The following ZNF90 variants were observed in gnomAD, a reference collection of about 807,000 sequenced individuals.
ZNF90 encodes zinc finger protein 90, also known as zinc finger protein HTF9.
A neutral mutation model predicts 12.0 loss-of-function variants in ZNF90; 11 were observed. That is an observed-to-expected ratio of 0.92 (90% confidence interval 0.58 to 1.52). The LOEUF (loss-of-function observed/expected upper bound fraction) is 1.52. Among genes scored for constraint, ZNF90 ranks in the 40% most tolerant of loss-of-function variants. The pLI, the probability that ZNF90 is intolerant of heterozygous loss-of-function variation, is 0.00. For synonymous variants in ZNF90, 232 were observed against 240.1 expected, an observed-to-expected ratio of 0.97 and a Z score of 0.31; for missense variants, 765 against 711.5, an observed-to-expected ratio of 1.08 and a Z score of -0.86.
chr19:20,114,036 T>G (rs2089115260), intron 3 of ZNF90, among the ~76,000 whole-genome samples: 2 of 152,198 alleles, frequency 1.3e-5, no homozygotes, highest in South Asian at 2.1e-4. Flanking sequence ...CTTACGCCTG[T>G]AATCGCATCA....
chr19:20,091,737 G>T (rs1423434305), intron 1 of ZNF90, among the ~76,000 whole-genome samples: 54 of 151,594 alleles, frequency 3.6e-4, no homozygotes, highest in Non-Finnish European at 1.5e-5. Context: ...GAGGACCCTT[G>T]TGTAGTGAGG....
At chr19:20,116,552 CT>C (rs2089138832) in intron 3 of ZNF90, among the ~76,000 whole-genome samples, 1 of 152,116 alleles carries the variant, frequency 6.6e-6, no homozygotes, top group East Asian at 1.9e-4. Flanking sequence ...CCATGTTTCT[CT>C]AATATTTTGT....
intron 3 of ZNF90, among the ~76,000 whole-genome samples, chr19:20,114,911 T>A (rs2089123513): frequency 1.3e-5 from 2 of 152,198 alleles, no homozygotes; most frequent in Admixed American, 6.5e-5. Context: ...TCTATGTGTT[T>A]ATTCCGTTTT....
intron 3 of ZNF90, among the ~76,000 whole-genome samples, chr19:20,106,051 T>G (rs1261623012): frequency 2.2e-5 from 3 of 139,024 alleles, no homozygotes; most frequent in African/African-American, 8.3e-5. Context: ...TTTCTTTTTT[T>G]TTTTTTTTTT....
chr19:20,099,255 CCT>C (rs1175504037), intron 1 of ZNF90, among the ~76,000 whole-genome samples: 1 of 151,838 alleles, frequency 6.6e-6, no homozygotes, highest in Admixed American at 6.6e-5. Context: ...CTCACTGAAA[CCT>C]CTGCCACCAG....
At chr19:20,094,461 C>T (rs959559094) in intron 1 of ZNF90, among the ~76,000 whole-genome samples, 1 of 152,208 alleles carries the variant, frequency 6.6e-6, no homozygotes, top group Admixed American at 6.5e-5. Context: ...TTTTCATCTT[C>T]ACCTTGGGTA....
intron 1 of ZNF90, among the ~76,000 whole-genome samples, chr19:20,097,847 G>T (rs2088960925): frequency 6.6e-6 from 1 of 152,160 alleles, no homozygotes. Flanking sequence ...TGCCACATTG[G>T]ACACTATATC....
intron 1 of ZNF90, among the ~76,000 whole-genome samples, chr19:20,079,180 T>C (rs1169813731): frequency 6.6e-6 from 1 of 152,102 alleles, no homozygotes; most frequent in Non-Finnish European, 1.5e-5. Flanking sequence ...AACACTGTGT[T>C]TTAGTAACTT....
chr19:20,108,067 T>C (rs1447679496), intron 3 of ZNF90, among the ~76,000 whole-genome samples: 4 of 152,174 alleles, frequency 2.6e-5, no homozygotes, highest in African/African-American at 9.7e-5. Flanking sequence ...TCTTTTCTTC[T>C]AAAGTTGGAT....
rs782350995 is a variant in ZNF90, at chr19:20,118,188, A to G, written c.634A>G (p.Arg212Gly). The G allele has an allele frequency of 5.6e-6, 9 of 1,606,038 alleles. No homozygotes were observed. The highest frequency in any genetic ancestry group is 7.6e-6 in the Non-Finnish European group (9 of 1,176,894). The change falls in exon 4 of 4, where the codon AGG becomes GGG. Residue 212 changes from arginine (R) to glycine (G), a missense_variant. By Grantham distance (125) the Arg-to-Gly change is moderately radical. Transcript: ENST00000418063. ...KCEECGKAFN[R>G]SSHLTSHKRI... ...TGAAGAATGTGGCAAAGCCTTCAAC[A>G]GGTCCTCACACCTTACTTCACATAA...
chr19:20,099,402 C>T (rs950580864), intron 1 of ZNF90, among the ~76,000 whole-genome samples: 1 of 152,220 alleles, frequency 6.6e-6, no homozygotes, highest in Non-Finnish European at 1.5e-5. Context: ...CTATCAATTA[C>T]TGAATACCCA....
At position 20,119,387 on chromosome 19, in the gene ZNF90, A is replaced by C; in HGVS notation, c.*27A>C. ...ATATTCCTCAACCCTTAATAAACAT[A>C]AGATAATTCATACTGGAGAGAAACC... is the stretch of plus-strand genomic sequence containing the variant. On this transcript the variant is annotated 3_prime_UTR_variant, in exon 4 of 4. Transcript: ENST00000418063. 2 of 1,535,252 alleles carry C rather than the reference A, an allele frequency of 1.3e-6. No individual in the cohort carries two copies. The highest frequency in any genetic ancestry group is 1.8e-6 in the Non-Finnish European group (2 of 1,137,832).
rs782714380 is a variant in ZNF90, at chr19:20,119,139, A to G, written c.1585A>G (p.Ile529Val). 2 of 1,613,340 alleles carry G rather than the reference A, an allele frequency of 1.2e-6. No individual in the cohort carries two copies. Among genetic ancestry groups the G allele is most frequent in the East Asian group, 2.2e-5 (1 of 44,836 alleles). Residue 529 changes from isoleucine (I) to valine (V), a missense_variant, in exon 4 of 4, where the codon ATA becomes GTA. Ile to Val is a conservative substitution (Grantham distance 29). Coordinates refer to ENST00000418063, the MANE Select transcript of ZNF90 (RefSeq NM_007138.2). ...KRSSVLSKHK[I>V]IHTGAKPYKC... ...CTCCTCAGTCCTTAGTAAACATAAG[A>G]TAATTCATACTGGAGCGAAACCCTA... is the stretch of plus-strand genomic sequence containing the variant.
At chr19:20,087,289 T>TA (rs1555702205) in intron 1 of ZNF90, 1 of 152,250 alleles carries the variant, frequency 6.6e-6, no homozygotes, top group Non-Finnish European at 1.5e-5. Context: ...TTTCTCAAAA[T>TA]AATCTTGCTC....
At chr19:20,089,669 G>A (rs1350654736) in intron 1 of ZNF90, among the ~76,000 whole-genome samples, 4 of 152,186 alleles carry the variant, frequency 2.6e-5, no homozygotes, top group African/African-American at 4.8e-5. Flanking sequence ...GAGGGCGGCA[G>A]CTTGCTGATG....
chr19:20,091,942 A>G (rs1376424398), intron 1 of ZNF90, among the ~76,000 whole-genome samples: 1 of 152,210 alleles, frequency 6.6e-6, no homozygotes, highest in Non-Finnish European at 1.5e-5. Flanking sequence ...ATACTATAGC[A>G]TAGCCTGCCT....
chr19:20,107,921 AT>A (rs1288952026), intron 3 of ZNF90, among the ~76,000 whole-genome samples: 1 of 152,056 alleles, frequency 6.6e-6, no homozygotes, highest in Non-Finnish European at 1.5e-5. Context: ...GAATTATAGG[AT>A]TTTCATCTAC....
Position 20,104,604 on chromosome 19 carries a change from G to C in ZNF90, c.130+239G>C, listed in dbSNP as rs112545603. On this transcript the variant is annotated intron_variant, in intron 2 of 3. Coordinates refer to ENST00000418063, the MANE Select transcript of ZNF90 (RefSeq NM_007138.2). ...TCACTCTAAATTAGTGGTAATTCCAGAAATTTAGTGGCATAAAATATTGTT... is the reference window on the plus strand; with the variant it reads ...TCACTCTAAATTAGTGGTAATTCCACAAATTTAGTGGCATAAAATATTGTT... Among the ~76,000 whole-genome samples, 1,371 of 152,240 alleles carry C rather than the reference G, an allele frequency of 9.0e-3. 29 individuals carry two copies. Among genetic ancestry groups the C allele is most frequent in the African/African-American group, 0.031 (1,292 of 41,516 alleles).
intron 1 of ZNF90, among the ~76,000 whole-genome samples, chr19:20,088,671 C>T (rs1048880493): frequency 1.3e-5 from 2 of 152,160 alleles, no homozygotes; most frequent in Admixed American, 6.5e-5. Flanking sequence ...GTGAGTAAGT[C>T]AAGGCCTCGG....
Sources: gnomAD v4.1 joint callset for allele counts (sites outside exome capture counted in the v4.1 genomes callset) on GRCh38, gnomAD v4.1.1 for gene constraint, MANE v1.5 for transcripts, NCBI Gene and HGNC (gene_info 2026-07-23, HGNC 2026-07-21) for gene names.